TLE6: variants seen among roughly 807,000 people sequenced by gnomAD.
TLE6 encodes transducin-like enhancer protein 6.
In TLE6, 72 loss-of-function variants were observed where a neutral mutation model predicts 77.1. The ratio of observed to expected loss-of-function variants is 0.93; its 90% CI spans 0.77 to 1.14. The LOEUF (loss-of-function observed/expected upper bound fraction) is 1.14. Among genes scored for constraint, TLE6 ranks in the 50% most tolerant of loss-of-function variants. The pLI is 0.00. For missense variants in TLE6, 843 were observed against 747.6 expected, an observed-to-expected ratio of 1.13 and a Z score of -1.49; for synonymous variants, 366 against 287.3, an observed-to-expected ratio of 1.27 and a Z score of -2.77.
At chr19:2,980,449 G>T in intron 3 of TLE6, 1 of 297,070 alleles carries the variant, frequency 3.4e-6, no homozygotes, top group Non-Finnish European at 6.5e-6. Context: ...GAAAAATACT[G>T]CAACGGCTGG....
Position 2,978,058 on chromosome 19 carries a change from G to A in TLE6, c.-36-140G>A, listed in dbSNP as rs2088714008. ...TTGATAAGTGAGGACAGGACCTAGG[G>A]AACGCATGGGAGAACCGCAGGATTG... On this transcript the variant is annotated intron_variant, in intron 1 of 16. Coordinates refer to ENST00000246112, the MANE Select transcript of TLE6 (RefSeq NM_001143986.2). 10 of 629,810 alleles carry A rather than the reference G, an allele frequency of 1.6e-5. No homozygotes were observed. The Admixed American group carries it at 2.4e-4, about 15-fold the overall frequency. 39.0% of individuals were successfully genotyped at this position (629,810 alleles called of 1,614,324 possible).
At chr19:2,979,790 T>C (rs1346256894) in intron 2 of TLE6, among the ~76,000 whole-genome samples, 1 of 103,942 alleles carries the variant, frequency 9.6e-6, no homozygotes. Context: ...AATACAAAAA[T>C]AAGCCAGGTG....
In TLE6 at chr19:2,995,040, T is replaced by A; in HGVS notation, c.*36T>A. The A allele has an allele frequency of 7.6e-7, 1 of 1,318,472 alleles. No individual in the cohort carries two copies. Among genetic ancestry groups the A allele is most frequent in the Non-Finnish European group, 1.0e-6 (1 of 952,882 alleles). 81.7% of individuals were successfully genotyped at this position (1,318,472 alleles called of 1,614,324 possible). On this transcript the variant is annotated 3_prime_UTR_variant, in exon 17 of 17. Transcript: ENST00000246112. Reference sequence around the variant, plus strand: ...TGCTGTCATCCCACTCCGGCTCCTCTTTTCATCCCCCCCCTTCCCCCCCCC... The same window carrying A: ...TGCTGTCATCCCACTCCGGCTCCTCATTTCATCCCCCCCCTTCCCCCCCCC...
chr19:2,991,129 C>A (rs558380919), intron 13 of TLE6, among the ~76,000 whole-genome samples: 2 of 151,296 alleles, frequency 1.3e-5, no homozygotes, highest in African/African-American at 4.9e-5. Context: ...TTTGGGAAGC[C>A]GAGGCGGGCA....
rs1210427290 is a variant in TLE6 at position 2,980,187 on chromosome 19, G to T, written c.134+5G>T. 2 of 1,546,522 alleles carry T rather than the reference G, an allele frequency of 1.3e-6. No homozygotes were observed. The highest frequency in any genetic ancestry group is 2.4e-5 in the South Asian group (2 of 83,924). On this transcript the variant is annotated splice_donor_5th_base_variant and intron_variant, in intron 3 of 16. Transcript: ENST00000246112. ...TCGGCTCAAGCAGTTCCCCAGGTGAGAGCAATTCCAGGGGCCGGAGGTCTC... is the reference window on the plus strand; with the variant it reads ...TCGGCTCAAGCAGTTCCCCAGGTGATAGCAATTCCAGGGGCCGGAGGTCTC...
chr19:2,989,134 G>C lies in TLE6; in HGVS notation c.814G>C (p.Ala272Pro), dbSNP rs984487138. The C allele has an allele frequency of 6.2e-7, 1 of 1,614,102 alleles. No homozygotes were observed. The highest frequency in any genetic ancestry group is 8.5e-7 in the Non-Finnish European group (1 of 1,180,030). Reference protein sequence around the residue: ...DALPGQSKRLAVPCKLEKMRI... With the variant: ...DALPGQSKRLPVPCKLEKMRI... ...CTTGCCCGGGCAGTCAAAGAGACTC[G>C]CCGTCCCGTGCAAACTGGAAAAGAT... Residue 272 changes from alanine to proline, a missense_variant, in exon 12 of 17, where the codon GCC (alanine) becomes CCC (proline). Ala to Pro is a conservative substitution (Grantham distance 27). Coordinates refer to ENST00000246112, the MANE Select transcript of TLE6 (RefSeq NM_001143986.2).
chr19:2,991,249 C>T (rs1416294035), intron 13 of TLE6, among the ~76,000 whole-genome samples: 1 of 150,690 alleles, frequency 6.6e-6, no homozygotes, highest in African/African-American at 2.4e-5. Flanking sequence ...ATGCCAGCTA[C>T]TCGGGAGGCT....
At position 2,989,300 on chromosome 19, in the gene TLE6, A is replaced by G. The variant is rs199549520; in HGVS notation, c.980A>G (p.His327Arg). 7 of 1,611,440 alleles carry G rather than the reference A, an allele frequency of 4.3e-6. No homozygotes were observed. In the South Asian group the frequency reaches 7.7e-5, roughly 18 times the overall value. Residue 327 changes from histidine to arginine, a missense_variant, in exon 12 of 17, where the codon CAC becomes CGC. Coordinates refer to ENST00000246112, the MANE Select transcript of TLE6 (RefSeq NM_001143986.2). ...GCTGAGGACAGGTTCCCTGAGAGCC[A>G]CCTGCCTATACAGGTGAGGACGGCC... ...QVAEDRFPES[H>R]LPIQTPGAFL...
intron 13 of TLE6, among the ~76,000 whole-genome samples, chr19:2,990,473 G>T (rs1473428497): frequency 6.6e-6 from 1 of 150,460 alleles, no homozygotes; most frequent in Admixed American, 6.6e-5. Flanking sequence ...GCGCGGTGGT[G>T]GGTACCTGTA....
At chr19:2,992,033 CAG>C in intron 14 of TLE6, 49 bp downstream of exon 14, 1 of 1,599,492 alleles carries the variant, frequency 6.3e-7, no homozygotes, top group East Asian at 2.2e-5. Context: ...CTCTGGTCCT[CAG>C]ATTAAAAAAT....
At chr19:2,988,985 A>C in intron 11 of TLE6, 76 bp from the exon 12 acceptor site, 1 of 1,581,926 alleles carries the variant, frequency 6.3e-7, no homozygotes, top group Non-Finnish European at 8.6e-7. Context: ...AAGCCCCTCT[A>C]GGCCTTGATG....
In TLE6 at chr19:2,995,050, C is replaced by T. The variant is rs751140232; in HGVS notation, c.*46C>T. 1.4e-4 allele frequency: 153 copies of T among 1,108,980 alleles called. No homozygotes were observed. The South Asian group carries it at 1.9e-3, about 14-fold the overall frequency. The allele number at this position is 1,108,980 out of a possible 1,614,324, so 68.7% of individuals were successfully genotyped here. A position where few individuals can be genotyped will look rare whatever the true frequency, so the allele number is the denominator to read the frequency against. On this transcript the variant is annotated 3_prime_UTR_variant, in exon 17 of 17. Coordinates refer to ENST00000246112, the MANE Select transcript of TLE6 (RefSeq NM_001143986.2). ...CCACTCCGGCTCCTCTTTTCATCCCCCCCCTTCCCCCCCCCCAACAAGGGG... is the reference window on the plus strand; with the variant it reads ...CCACTCCGGCTCCTCTTTTCATCCCTCCCCTTCCCCCCCCCCAACAAGGGG...
chr19:2,991,467 C>T (rs2089062814), intron 13 of TLE6, among the ~76,000 whole-genome samples: 2 of 149,410 alleles, frequency 1.3e-5, no homozygotes, highest in Admixed American at 6.8e-5. Context: ...AGATATCTAT[C>T]AGCATATGTT....
At chr19:2,988,590 C>A (rs887957482) in intron 11 of TLE6, among the ~76,000 whole-genome samples, 2 of 151,374 alleles carry the variant, frequency 1.3e-5, no homozygotes, top group African/African-American at 4.9e-5. Flanking sequence ...AGCAAGACTC[C>A]GTCTCAAAAA....
intron 4 of TLE6, 142 bp downstream of exon 4, chr19:2,981,725 C>T: frequency 1.1e-6 from 1 of 932,560 alleles, no homozygotes; most frequent in Non-Finnish European, 1.6e-6. Flanking sequence ...AATCCCAGCA[C>T]TATGGGAGGG....
chr19:2,989,692 C>T lies in TLE6; in HGVS notation c.1151C>T (p.Ala384Val). The change falls in exon 13 of 17, where the codon GCC (alanine) becomes GTC (valine). Residue 384 changes from alanine to valine, a missense_variant. Coordinates refer to ENST00000246112, the MANE Select transcript of TLE6 (RefSeq NM_001143986.2). ...QLPCAGLNCQ[A>V]LDANLDANLA... ...CCCTGTGCAGGTCTCAACTGCCAGG[C>T]CCTGGATGCCAACCTGGATGCCAAC... 6.2e-7 allele frequency: 1 copy of T among 1,614,202 alleles called. No homozygotes were observed. The highest frequency in any genetic ancestry group is 8.5e-7 in the Non-Finnish European group (1 of 1,180,032).
chr19:2,994,470 C>T (rs796681002), intron 16 of TLE6, among the ~76,000 whole-genome samples: 119 of 151,808 alleles, frequency 7.8e-4, no homozygotes, highest in African/African-American at 2.6e-3. Context: ...ATTAGTTGGG[C>T]GTGGTGGTGG....
chr19:2,992,089 A>T, intron 14 of TLE6, 105 bp downstream of exon 14: 1 of 1,418,250 alleles, frequency 7.1e-7, no homozygotes, highest in Non-Finnish European at 9.6e-7. Flanking sequence ...TAATCCTAGC[A>T]CTTTGGGAGG....
intron 10 of TLE6, 47 bp downstream of exon 10, chr19:2,988,021 G>A (rs1213829672): frequency 6.3e-7 from 1 of 1,586,044 alleles, no homozygotes; most frequent in Admixed American, 1.8e-5. Context: ...GGCTGCCCAG[G>A]GTGGGGTAGA....
Sources: gnomAD v4.1 joint callset for allele counts (sites outside exome capture counted in the v4.1 genomes callset) on GRCh38, gnomAD v4.1.1 for gene constraint, MANE v1.5 for transcripts, NCBI Gene and HGNC (gene_info 2026-07-23, HGNC 2026-07-21) for gene names.